The following PAFAH1B2 variants were observed in gnomAD, a reference collection of about 807,000 sequenced individuals.
PAFAH1B2 encodes the protein platelet-activating factor acetylhydrolase IB subunit alpha2.
In PAFAH1B2, 8 loss-of-function variants were observed where a neutral mutation model predicts 28.0. The observed-to-expected ratio is 0.29, with a 90% CI of 0.17 to 0.52. The LOEUF is 0.52. Ranked by LOEUF, PAFAH1B2 falls within the 20% of genes least tolerant of loss-of-function variation. PAFAH1B2 has a pLI of 0.97. For missense variants in PAFAH1B2, 190 were observed against 282.6 expected, an observed-to-expected ratio of 0.67 and a Z score of 2.35; for synonymous variants, 104 against 103.2, an observed-to-expected ratio of 1.01 and a Z score of -0.05.
intron 1 of PAFAH1B2, among the ~76,000 whole-genome samples, chr11:117,146,988 G>T (rs536270752): frequency 6.6e-6 from 1 of 152,008 alleles, no homozygotes; most frequent in Non-Finnish European, 1.5e-5. Context: ...AAAAAAGCCG[G>T]CCGGGCGTGG....
intron 4 of PAFAH1B2, 72 bp downstream of exon 4, chr11:117,161,333 TA>T (rs200272511): frequency 4.8e-4 from 460 of 959,088 alleles, no homozygotes; most frequent in South Asian, 5.5e-4. Context: ...TCTGAAACTG[TA>T]AAAAAAAATT....
intron 1 of PAFAH1B2, among the ~76,000 whole-genome samples, chr11:117,149,144 A>G (rs969879917): frequency 6.6e-6 from 1 of 150,962 alleles, no homozygotes; most frequent in Non-Finnish European, 1.5e-5. Flanking sequence ...CGGGCTCCCA[A>G]AGTGTTAGGA....
chr11:117,161,981 C>A (rs573543771), intron 4 of PAFAH1B2, among the ~76,000 whole-genome samples: 1 of 152,210 alleles, frequency 6.6e-6, no homozygotes, highest in African/African-American at 2.4e-5. Flanking sequence ...TCGAGGCCTG[C>A]AAGTTCATCT....
intron 2 of PAFAH1B2, among the ~76,000 whole-genome samples, chr11:117,152,920 G>T (rs963369270): frequency 6.6e-6 from 1 of 152,142 alleles, no homozygotes; most frequent in African/African-American, 2.4e-5. Flanking sequence ...AAATAAGTTA[G>T]CCGGTTGTGG....
At chr11:117,147,707 C>A (rs563182331) in intron 1 of PAFAH1B2, among the ~76,000 whole-genome samples, 2 of 151,994 alleles carry the variant, frequency 1.3e-5, no homozygotes, top group Non-Finnish European at 2.9e-5. Context: ...CAAAATAATA[C>A]AAAATCAGAG....
At chr11:117,166,337 A>G (rs2134213039) in intron 5 of PAFAH1B2, among the ~76,000 whole-genome samples, 1 of 152,312 alleles carries the variant, frequency 6.6e-6, no homozygotes, top group Middle Eastern at 3.4e-3. Flanking sequence ...TTTGCTTAGG[A>G]AATATTTGTT....
At chr11:117,176,168 A>G (rs2029971278) in exon 6 of PAFAH1B2, 1 of 531,834 alleles carries the variant, frequency 1.9e-6, no homozygotes, top group South Asian at 2.7e-5. Context: ...TCATCTGTAT[A>G]ATGAGGGGTT....
rs1956332090 is a variant in PAFAH1B2 at position 117,159,801 on chromosome 11, G to A, written c.82-133G>A. ...AGATGGGATCTTGATATATTACCCA[G>A]GCTGATCTCAAACTCCTGACCTCAA... On this transcript the variant is annotated intron_variant, in intron 2 of 5. Coordinates refer to ENST00000527958, the MANE Select transcript of PAFAH1B2 (RefSeq NM_002572.4). 4 of 637,540 alleles carry A rather than the reference G, an allele frequency of 6.3e-6. No homozygotes were observed. In the East Asian group the frequency reaches 1.0e-4, roughly 17 times the overall value. The allele number at this position is 637,540 out of a possible 1,614,324, so 39.5% of individuals were successfully genotyped here. A position where few individuals can be genotyped will look rare whatever the true frequency, so the allele number is the denominator to read the frequency against.
rs767434171 is a variant in PAFAH1B2, at chr11:117,170,368, A to T, written c.*2669A>T. 1.2e-4 allele frequency: 125 copies of T among 1,059,468 alleles called. No individual in the cohort carries two copies. The highest frequency in any genetic ancestry group is 1.4e-4 in the Non-Finnish European group (120 of 876,908). The allele number at this position is 1,059,468 out of a possible 1,614,324, so 65.6% of individuals were successfully genotyped here. A position where few individuals can be genotyped will look rare whatever the true frequency, so the allele number is the denominator to read the frequency against. On this transcript the variant is annotated 3_prime_UTR_variant, in exon 6 of 6. Coordinates refer to ENST00000527958, the MANE Select transcript of PAFAH1B2 (RefSeq NM_002572.4). Reference sequence around the variant, plus strand: ...ATTCCTGCTATACTAGATGGCAGCCAGTGATGGAACTATAAAGATGTCTGT... The same window carrying T: ...ATTCCTGCTATACTAGATGGCAGCCTGTGATGGAACTATAAAGATGTCTGT...
At position 117,167,014 on chromosome 11, in the gene PAFAH1B2, C is replaced by G. The variant is rs144941883; in HGVS notation, c.412-407C>G. ...TAAGATATATGGGATGTGAGACTTG[C>G]AGATGTTGGAATGACCAGTTGATAA... On this transcript the variant is annotated intron_variant, in intron 5 of 5. Coordinates refer to ENST00000527958, the MANE Select transcript of PAFAH1B2 (RefSeq NM_002572.4). Among the ~76,000 whole-genome samples, 891 of 152,230 alleles carry G rather than the reference C, an allele frequency of 5.9e-3. 4 individuals carry two copies. Among genetic ancestry groups the G allele is most frequent in the Non-Finnish European group, 7.9e-3 (539 of 68,010 alleles).
chr11:117,168,879 C>A lies in PAFAH1B2; in HGVS notation c.*1180C>A. ...GATCTTGGCTCACTGCAGCCTCCAC[C>A]TCCCGAGTTCAAATGATTCTCCTGC... On this transcript the variant is annotated 3_prime_UTR_variant, in exon 6 of 6. Coordinates refer to ENST00000527958, the MANE Select transcript of PAFAH1B2 (RefSeq NM_002572.4). 1 of 420,486 alleles carries A rather than the reference C, an allele frequency of 2.4e-6. No individual in the cohort carries two copies. Among genetic ancestry groups the A allele is most frequent in the Non-Finnish European group, 3.3e-6 (1 of 301,580 alleles). The allele number at this position is 420,486 out of a possible 1,614,324, so 26.0% of individuals were successfully genotyped here.
At chr11:117,145,234 A>G (rs1955971265) in intron 1 of PAFAH1B2, among the ~76,000 whole-genome samples, 1 of 152,106 alleles carries the variant, frequency 6.6e-6, no homozygotes, top group Non-Finnish European at 1.5e-5. Context: ...CTTCTGGTCT[A>G]CAGGTTTGAT....
At chr11:117,149,919 C>A (rs1214796532) in intron 1 of PAFAH1B2, among the ~76,000 whole-genome samples, 2 of 151,862 alleles carry the variant, frequency 1.3e-5, no homozygotes, top group African/African-American at 4.8e-5. Context: ...ATGGAGAAAC[C>A]TTGTCTGTAT....
chr11:117,161,593 C>G (rs1442767148), intron 4 of PAFAH1B2, among the ~76,000 whole-genome samples: 1 of 150,718 alleles, frequency 6.6e-6, no homozygotes, highest in Non-Finnish European at 1.5e-5. Context: ...ACTGCAACCT[C>G]CGCCTCCTGG....
chr11:117,175,884 C>T (rs943189245), downstream of PAFAH1B2: 121 of 1,534,644 alleles, frequency 7.9e-5, no homozygotes, highest in Non-Finnish European at 1.0e-4. Context: ...CAATGTATCA[C>T]GAGTGTTTCT....
At chr11:117,149,033 A>T (rs1249063725) in intron 1 of PAFAH1B2, among the ~76,000 whole-genome samples, 1 of 118,626 alleles carries the variant, frequency 8.4e-6, no homozygotes, top group Non-Finnish European at 1.7e-5. Context: ...ACACCTGCCA[A>T]TTTTTTTTTT....
chr11:117,153,536 G>A (rs879022658), intron 2 of PAFAH1B2, among the ~76,000 whole-genome samples: 3 of 151,946 alleles, frequency 2.0e-5, no homozygotes, highest in African/African-American at 7.3e-5. Context: ...GATTACAGGC[G>A]CCCGCCACCA....
At chr11:117,161,078 A>G in intron 3 of PAFAH1B2, 67 bp from the exon 4 acceptor site, 1 of 945,890 alleles carries the variant, frequency 1.1e-6, no homozygotes, top group Non-Finnish European at 1.7e-6. Flanking sequence ...CTTGCAACAC[A>G]TTGCAGTCGA....
chr11:117,175,323 C>G, downstream of PAFAH1B2: 1 of 1,069,674 alleles, frequency 9.3e-7, no homozygotes, highest in Non-Finnish European at 1.1e-6. Context: ...CTGCTGCAGC[C>G]AACAAAAAGG....
Sources: allele counts gnomAD v4.1 joint callset (sites outside exome capture counted in the v4.1 genomes callset), GRCh38; gene constraint gnomAD v4.1.1; transcripts MANE v1.5; gene names NCBI Gene and HGNC (gene_info 2026-07-23, HGNC 2026-07-21).